P2RY14: variants seen among roughly 807,000 people sequenced by gnomAD.
The protein encoded by P2RY14 is P2Y purinoceptor 14.
Under a neutral mutation model 0.9 loss-of-function variants are expected in P2RY14, and 2 were observed. The observed-to-expected ratio is 2.16, with a 90% CI of 0.88 to 6.79. The LOEUF (loss-of-function observed/expected upper bound fraction) is 6.79, where lower values mean the gene tolerates loss of function less well. P2RY14 is among the 30% of genes most tolerant of loss of function. P2RY14 has a pLI of 0.05. For synonymous variants in P2RY14, 158 were observed against 147.2 expected (o/e 1.07, Z -0.53); for missense variants, 378 against 400.1 (o/e 0.94, Z 0.47).
chr3:151,247,962 CTTTTTTTT>C (rs61102632), intron 1 of P2RY14, among the ~76,000 whole-genome samples: 47 of 75,908 alleles, frequency 6.2e-4, no homozygotes, highest in African/African-American at 2.0e-3. Flanking sequence ...TCTTCTTCTT[CTTTTTTTT>C]TTTTTTTTTT....
At chr3:151,247,947 T>TTTCTTC (rs1203197867) in intron 1 of P2RY14, among the ~76,000 whole-genome samples, 1 of 131,520 alleles carries the variant, frequency 7.6e-6, no homozygotes, top group Non-Finnish European at 1.6e-5. Flanking sequence ...GTTTACTTTC[T>TTTCTTC]TTCTTCTTCT....
chr3:151,263,801 T>TA (rs1739350438), intron 1 of P2RY14, among the ~76,000 whole-genome samples: 1 of 152,172 alleles, frequency 6.6e-6, no homozygotes, highest in African/African-American at 2.4e-5. Context: ...CTTGGTAAAA[T>TA]ACCTAACTCA....
At chr3:151,270,732 A>G (rs536963302) in intron 1 of P2RY14, among the ~76,000 whole-genome samples, 5 of 152,292 alleles carry the variant, frequency 3.3e-5, no homozygotes, top group South Asian at 2.1e-4. Context: ...CTCCTTTGGC[A>G]TATTTAATTG....
chr3:151,255,960 A>C (rs1285411200), intron 1 of P2RY14, among the ~76,000 whole-genome samples: 1 of 152,212 alleles, frequency 6.6e-6, no homozygotes, highest in African/African-American at 2.4e-5. Flanking sequence ...GTATTTTCTT[A>C]CTATAATGCC....
intron 1 of P2RY14, among the ~76,000 whole-genome samples, chr3:151,222,027 G>T (rs1446133796): frequency 6.6e-6 from 1 of 152,196 alleles, no homozygotes; most frequent in East Asian, 1.9e-4. Context: ...GCGTGACCTG[G>T]GTGTGAGACA....
chr3:151,234,839 G>A (rs1474650907), intron 1 of P2RY14, among the ~76,000 whole-genome samples: 4 of 152,198 alleles, frequency 2.6e-5, no homozygotes, highest in Non-Finnish European at 5.9e-5. Context: ...TTAGTCAGGG[G>A]TCACCATCAC....
chr3:151,268,061 T>C (rs1740176334), intron 1 of P2RY14, among the ~76,000 whole-genome samples: 1 of 152,208 alleles, frequency 6.6e-6, no homozygotes, highest in Non-Finnish European at 1.5e-5. Context: ...CTGGAAATGC[T>C]CTGTTTTAAT....
Position 151,213,311 on chromosome 3 carries a change from C to T in P2RY14, c.1006G>A (p.Asp336Asn). The T allele has an allele frequency of 1.2e-6, 2 of 1,605,952 alleles. No individual in the cohort carries two copies. Among genetic ancestry groups the T allele is most frequent in the Non-Finnish European group, 1.7e-6 (2 of 1,176,846 alleles). Residue 336 changes from aspartate (D) to asparagine (N), a missense_variant, in exon 3 of 3, where the codon GAT becomes AAT. Physicochemically the swap from Asp to Asn is conservative, Grantham distance 23. Coordinates refer to ENST00000309170, the MANE Select transcript of P2RY14 (RefSeq NM_014879.4). ...AAGAGGGTAGGAACTCACAAAGTAT[C>T]TGTGCTTTCAAGTGTTGTATTTCCT... ...KRGNTTLEST[D>N]TL
chr3:151,224,721 C>G (rs113075819), intron 1 of P2RY14, among the ~76,000 whole-genome samples: 13 of 152,162 alleles, frequency 8.5e-5, no homozygotes, highest in Non-Finnish European at 1.8e-4. Context: ...TGACACTCAC[C>G]ACACTTCTCA....
intron 2 of P2RY14, among the ~76,000 whole-genome samples, chr3:151,218,444 A>ATT (rs1316096905): frequency 6.6e-6 from 1 of 152,234 alleles, no homozygotes; most frequent in Non-Finnish European, 1.5e-5. Context: ...TACTTCTGGT[A>ATT]TTATCACTGA....
chr3:151,264,358 A>G (rs1739446058), intron 1 of P2RY14, among the ~76,000 whole-genome samples: 1 of 152,248 alleles, frequency 6.6e-6, no homozygotes, highest in African/African-American at 2.4e-5. Flanking sequence ...TTTTAAATGG[A>G]AGAACTGAAC....
intron 1 of P2RY14, among the ~76,000 whole-genome samples, chr3:151,257,044 G>A (rs1055702418): frequency 1.6e-4 from 24 of 152,188 alleles, no homozygotes; most frequent in African/African-American, 5.1e-4. Context: ...CAGAAAAGCA[G>A]CACGATACAG....
intron 1 of P2RY14, among the ~76,000 whole-genome samples, chr3:151,247,962 CTTTTTTTTTT>C (rs61102632): frequency 2.8e-4 from 21 of 75,906 alleles, no homozygotes; most frequent in Admixed American, 1.2e-3. Context: ...TCTTCTTCTT[CTTTTTTTTTT>C]TTTTTTTTTT....
rs1250007908 is a variant in P2RY14 at position 151,212,606 on chromosome 3, C to T, written c.*694G>A. 1 of 151,896 alleles carries T rather than the reference C, an allele frequency of 6.6e-6. No homozygotes were observed. The highest frequency in any genetic ancestry group is 1.9e-4 in the East Asian group (1 of 5,194). 9.4% of individuals were successfully genotyped at this position (151,896 alleles called of 1,614,324 possible). On this transcript the variant is annotated 3_prime_UTR_variant, in exon 3 of 3. Coordinates refer to ENST00000309170, the MANE Select transcript of P2RY14 (RefSeq NM_014879.4). ...AATATTCTAACACCAGAACCCCAGG[C>T]TCATTAAATGACGTAAGTCTTTGTA... is the stretch of plus-strand genomic sequence containing the variant.
intron 1 of P2RY14, among the ~76,000 whole-genome samples, chr3:151,243,510 G>A (rs191726650): frequency 5.3e-5 from 8 of 152,064 alleles, no homozygotes; most frequent in Admixed American, 2.0e-4. Context: ...CATATCCAGC[G>A]AAACTAAGCT....
chr3:151,250,854 G>C (rs895698504), intron 1 of P2RY14, among the ~76,000 whole-genome samples: 1 of 152,180 alleles, frequency 6.6e-6, no homozygotes, highest in Non-Finnish European at 1.5e-5. Context: ...TTTCCATAGA[G>C]GCTGAATGAA....
chr3:151,264,076 A>G (rs962561938), intron 1 of P2RY14, among the ~76,000 whole-genome samples: 2 of 152,222 alleles, frequency 1.3e-5, no homozygotes, highest in East Asian at 1.9e-4. Flanking sequence ...GAGTAGTTCT[A>G]CTTCATTTCA....
chr3:151,216,628 C>T (rs1728285555), intron 2 of P2RY14, among the ~76,000 whole-genome samples: 2 of 152,166 alleles, frequency 1.3e-5, no homozygotes, highest in African/African-American at 4.8e-5. Flanking sequence ...TACCCCAAAT[C>T]ACTTCCTCCA....
chr3:151,273,941 T>C (rs2149574194), intron 1 of P2RY14, among the ~76,000 whole-genome samples: 1 of 152,324 alleles, frequency 6.6e-6, no homozygotes, highest in Non-Finnish European at 1.5e-5. Flanking sequence ...AGACAGAGTC[T>C]TTTCTTTTGA....
Sources: allele counts gnomAD v4.1 joint callset (sites outside exome capture counted in the v4.1 genomes callset), GRCh38; gene constraint gnomAD v4.1.1; transcripts MANE v1.5; gene names NCBI Gene and HGNC (gene_info 2026-07-23, HGNC 2026-07-21).